Variants in CFAP61 observed in about 807,000 individuals in gnomAD.
CFAP61 encodes cilia- and flagella-associated protein 61.
In CFAP61, 107 loss-of-function variants were observed where a neutral mutation model predicts 135.6. The observed-to-expected ratio is 0.79, with a 90% confidence interval of 0.67 to 0.93. The LOEUF (loss-of-function observed/expected upper bound fraction) is 0.93. Among genes scored for constraint, CFAP61 ranks in the 40% least tolerant of loss-of-function variants. The pLI is 0.00. For synonymous variants in CFAP61, 575 were observed against 578.5 expected, an observed-to-expected ratio of 0.99 and a Z score of 0.09; for missense variants, 1,507 against 1,556.2, an observed-to-expected ratio of 0.97 and a Z score of 0.53.
intron 8 of CFAP61, among the ~76,000 whole-genome samples, chr20:20,116,259 G>T (rs1033084924): frequency 1.3e-5 from 2 of 152,064 alleles, no homozygotes; most frequent in African/African-American, 4.8e-5. Flanking sequence ...TGTCTATTCA[G>T]ATCTTTTGTC....
At chr20:20,173,167 C>A (rs75194158) in intron 13 of CFAP61, among the ~76,000 whole-genome samples, 2,628 of 152,158 alleles carry the variant, frequency 0.017, 27 homozygotes, top group Non-Finnish European at 0.029. Context: ...GTGTGTCTAC[C>A]CATTTACCTA....
At chr20:20,340,191 A>G (rs2058384254) in intron 25 of CFAP61, among the ~76,000 whole-genome samples, 1 of 152,244 alleles carries the variant, frequency 6.6e-6, no homozygotes, top group African/African-American at 2.4e-5. Context: ...GTTGCTGGCA[A>G]GTGTGATGTG....
At chr20:20,353,073 G>C (rs1451931929) in intron 26 of CFAP61, among the ~76,000 whole-genome samples, 1 of 152,052 alleles carries the variant, frequency 6.6e-6, no homozygotes, top group Admixed American at 6.6e-5. Context: ...ATAAGCAAAG[G>C]ACCTGAATAG....
intron 9 of CFAP61, among the ~76,000 whole-genome samples, chr20:20,146,036 G>A (rs1446384762): frequency 6.6e-6 from 1 of 152,192 alleles, no homozygotes; most frequent in Non-Finnish European, 1.5e-5. Context: ...GCAGCACAGT[G>A]GCCCTCAGCA....
intron 25 of CFAP61, among the ~76,000 whole-genome samples, chr20:20,301,560 GGCCAGTCTA>G (rs2056106043): frequency 6.6e-6 from 1 of 152,100 alleles, no homozygotes; most frequent in Non-Finnish European, 1.5e-5. Context: ...TTTTAAATTT[GGCCAGTCTA>G]GTGGCATACA....
intron 22 of CFAP61, among the ~76,000 whole-genome samples, chr20:20,279,125 A>G (rs1296305056): frequency 1.3e-5 from 2 of 152,192 alleles, no homozygotes; most frequent in African/African-American, 4.8e-5. Flanking sequence ...GAGGCCTGAG[A>G]AAACCTCCCC....
chr20:20,351,007 G>A (rs560100102), intron 26 of CFAP61, among the ~76,000 whole-genome samples: 1 of 152,332 alleles, frequency 6.6e-6, no homozygotes, highest in African/African-American at 2.4e-5. Flanking sequence ...GTCATTCTCA[G>A]TGGTGAAAAG....
At chr20:20,237,727 G>C (rs1437993320) in intron 18 of CFAP61, among the ~76,000 whole-genome samples, 1 of 152,180 alleles carries the variant, frequency 6.6e-6, no homozygotes, top group Non-Finnish European at 1.5e-5. Context: ...TTTCCCAGTG[G>C]TCTTAAAATT....
At position 20,118,253 on chromosome 20, in the gene CFAP61, GT is replaced by G. The variant is rs1555872842; in HGVS notation, c.859+19442del. ...TATGGTCTTCATTATTTTGAGGTATGTTTCTTTCTTTCTTTCTTTCTTTCTT... is the reference window on the plus strand; with the variant it reads ...TATGGTCTTCATTATTTTGAGGTATGTTCTTTCTTTCTTTCTTTCTTTCTT... On this transcript the variant is annotated intron_variant, in intron 8 of 26. Transcript: ENST00000245957. 6.1e-3 allele frequency among the ~76,000 whole-genome samples: 841 copies of G among 138,610 alleles called. 4 individuals carry two copies. The highest frequency in any genetic ancestry group is 0.015 in the African/African-American group (534 of 36,506). 90.9% of individuals were successfully genotyped at this position (138,610 alleles called of 152,430 possible). A position where few individuals can be genotyped will look rare whatever the true frequency, so the allele number is the denominator to read the frequency against.
intron 22 of CFAP61, among the ~76,000 whole-genome samples, chr20:20,284,476 G>A (rs747136418): frequency 9.2e-5 from 14 of 151,940 alleles, no homozygotes; most frequent in South Asian, 2.1e-4. Context: ...TAGTAGAGAC[G>A]GGGTTTCACC....
chr20:20,165,775 T>C (rs375113812), intron 11 of CFAP61, among the ~76,000 whole-genome samples: 3 of 152,352 alleles, frequency 2.0e-5, no homozygotes, highest in Non-Finnish European at 2.9e-5. Context: ...CAGCATCCCC[T>C]GTTGTACTTT....
rs1382961688 is a variant in CFAP61, at chr20:20,126,388, C to T, written c.860-16469C>T. Reference sequence around the variant, plus strand: ...TTTTAAGATTTAGATCTCCTTTTAGCAGATCTTATAGTGGAGGCTTAGTAG... The same window carrying T: ...TTTTAAGATTTAGATCTCCTTTTAGTAGATCTTATAGTGGAGGCTTAGTAG... On this transcript the variant is annotated intron_variant, in intron 8 of 26. Coordinates refer to ENST00000245957, the MANE Select transcript of CFAP61 (RefSeq NM_015585.4). Among the ~76,000 whole-genome samples the T allele has an allele frequency of 1.3e-5, 2 of 151,852 alleles. 1 individual carries two copies. Among genetic ancestry groups the T allele is most frequent in the African/African-American group, 4.9e-5 (2 of 41,134 alleles).
intron 8 of CFAP61, among the ~76,000 whole-genome samples, chr20:20,106,628 T>A (rs2048426128): frequency 6.6e-6 from 1 of 152,204 alleles, no homozygotes; most frequent in Non-Finnish European, 1.5e-5. Context: ...GGGATTATTT[T>A]CTCAGTAGGG....
intron 7 of CFAP61, among the ~76,000 whole-genome samples, chr20:20,098,165 A>G (rs1209675273): frequency 6.6e-6 from 1 of 152,140 alleles, no homozygotes; most frequent in Non-Finnish European, 1.5e-5. Context: ...GTGGTCACTT[A>G]TTGGGACATT....
At chr20:20,319,087 A>G (rs1396178856) in intron 25 of CFAP61, among the ~76,000 whole-genome samples, 1 of 152,188 alleles carries the variant, frequency 6.6e-6, no homozygotes, top group Non-Finnish European at 1.5e-5. Context: ...CTGATTCTCT[A>G]TACAGCCTGT....
intron 8 of CFAP61, among the ~76,000 whole-genome samples, chr20:20,142,411 G>A (rs962108405): frequency 1.3e-5 from 2 of 152,194 alleles, no homozygotes; most frequent in African/African-American, 4.8e-5. Flanking sequence ...ACTCACTGTG[G>A]CCTTTTCCAC....
chr20:20,262,760 C>T (rs1008380646), intron 20 of CFAP61, among the ~76,000 whole-genome samples, 196 bp from the exon 21 acceptor site: 4 of 150,884 alleles, frequency 2.7e-5, no homozygotes. Flanking sequence ...TAGAGCAACT[C>T]CCTCTGAGAA....
intron 11 of CFAP61, among the ~76,000 whole-genome samples, chr20:20,165,459 G>A (rs997165400): frequency 1.3e-5 from 2 of 152,104 alleles, no homozygotes; most frequent in African/African-American, 4.8e-5. Context: ...AGGCATGCAT[G>A]GTGCTGGGCT....
At chr20:20,258,761 C>G (rs1456687835) in intron 20 of CFAP61, among the ~76,000 whole-genome samples, 1 of 152,174 alleles carries the variant, frequency 6.6e-6, no homozygotes, top group Non-Finnish European at 1.5e-5. Context: ...CGGGAGAGCA[C>G]CTGACTGCCG....
Sources: allele counts gnomAD v4.1 joint callset (sites outside exome capture counted in the v4.1 genomes callset), GRCh38; gene constraint gnomAD v4.1.1; transcripts MANE v1.5; gene names NCBI Gene and HGNC (gene_info 2026-07-23, HGNC 2026-07-21).